The following ROBO2 variants were observed in gnomAD, a reference collection of about 807,000 sequenced individuals.
ROBO2 encodes roundabout guidance receptor 2.
A neutral mutation model predicts 160.8 loss-of-function variants in ROBO2; 53 were observed. The ratio of observed to expected loss-of-function variants is 0.33; its 90% confidence interval spans 0.26 to 0.41. The LOEUF (loss-of-function observed/expected upper bound fraction) is 0.41, where lower values mean the gene tolerates loss of function less well. Ranked by LOEUF, ROBO2 falls within the 10% of genes least tolerant of loss-of-function variation. The pLI is 1.00. For synonymous variants in ROBO2, 664 were observed against 611.7 expected (o/e 1.09, Z -1.26); for missense variants, 1,577 against 1,722.4 (o/e 0.92, Z 1.49).
chr3:76,201,866 T>C (rs1255423517), intron 2 of ROBO2, among the ~76,000 whole-genome samples: 2 of 130,090 alleles, frequency 1.5e-5, no homozygotes, highest in South Asian at 2.4e-4. Flanking sequence ...TTACTTGACA[T>C]GGTGCAATAC....
intron 2 of ROBO2, among the ~76,000 whole-genome samples, chr3:76,898,653 A>G (rs1034142315): frequency 6.6e-6 from 1 of 152,060 alleles, no homozygotes; most frequent in Non-Finnish European, 1.5e-5. Flanking sequence ...CGACCCCCAT[A>G]AATTCATTTT....
intron 2 of ROBO2, among the ~76,000 whole-genome samples, chr3:75,943,708 T>C (rs1948153106): frequency 6.6e-6 from 1 of 152,102 alleles, no homozygotes; most frequent in African/African-American, 2.4e-5. Context: ...TTTGTTTGTT[T>C]TTTGTTTTTT....
intron 2 of ROBO2, among the ~76,000 whole-genome samples, chr3:76,782,049 G>C (rs1380376262): frequency 6.6e-6 from 1 of 150,416 alleles, no homozygotes; most frequent in Admixed American, 6.6e-5. Context: ...GTATGTTATT[G>C]GTCTGTTCAG....
In ROBO2 at chr3:77,622,437, C is replaced by T. The variant is rs969504690; in HGVS notation, c.3760+5C>T. The T allele has an allele frequency of 5.6e-6, 9 of 1,613,670 alleles. No individual in the cohort carries two copies. The highest frequency in any genetic ancestry group is 1.7e-4 in the Middle Eastern group (1 of 6,060). Reference sequence around the variant, plus strand: ...ATCTAGACAGCTCTGTGACAGGTAACGGAACCAATTTAATAGGAAAAACTG... The same window carrying T: ...ATCTAGACAGCTCTGTGACAGGTAATGGAACCAATTTAATAGGAAAAACTG... On this transcript the variant is annotated splice_donor_5th_base_variant and intron_variant, in intron 23 of 25. Coordinates refer to ENST00000461745, the Ensembl canonical transcript of ROBO2.
intron 2 of ROBO2, among the ~76,000 whole-genome samples, chr3:76,791,518 ACTCTCT>A (rs150578311): frequency 2.7e-5 from 4 of 146,366 alleles, no homozygotes; most frequent in African/African-American, 1.0e-4. Context: ...TGTTTCACAC[ACTCTCT>A]CTCTCTCTCT....
At chr3:75,941,294 G>T (rs564876057) in intron 2 of ROBO2, among the ~76,000 whole-genome samples, 1 of 152,140 alleles carries the variant, frequency 6.6e-6, no homozygotes, top group East Asian at 1.9e-4. Flanking sequence ...ACAAAGAAGT[G>T]CTATTTTGGG....
intron 2 of ROBO2, among the ~76,000 whole-genome samples, chr3:77,331,421 A>G (rs1235247842): frequency 6.6e-6 from 1 of 152,154 alleles, no homozygotes; most frequent in African/African-American, 2.4e-5. Flanking sequence ...AGACTGAAAA[A>G]CAATAAAGCT....
chr3:76,748,596 A>G (rs2093930519), intron 2 of ROBO2, among the ~76,000 whole-genome samples: 1 of 151,702 alleles, frequency 6.6e-6, no homozygotes, highest in South Asian at 2.1e-4. Context: ...AATTATTAAT[A>G]TGGAAGTAAT....
At chr3:77,452,640 TCA>T (rs1290512371) in intron 2 of ROBO2, among the ~76,000 whole-genome samples, 2 of 152,152 alleles carry the variant, frequency 1.3e-5, no homozygotes, top group Non-Finnish European at 2.9e-5. Flanking sequence ...TAAACAGTAC[TCA>T]GTTTACAGCA....
At chr3:76,829,760 C>T (rs1279394175) in intron 2 of ROBO2, among the ~76,000 whole-genome samples, 1 of 151,916 alleles carries the variant, frequency 6.6e-6, no homozygotes, top group Non-Finnish European at 1.5e-5. Flanking sequence ...CCTCTGCCTC[C>T]CAGGTTCAAG....
chr3:76,037,143 T>A (rs1430298093), intron 2 of ROBO2, among the ~76,000 whole-genome samples: 1 of 152,028 alleles, frequency 6.6e-6, no homozygotes, highest in Non-Finnish European at 1.5e-5. Flanking sequence ...TCCTATTAAA[T>A]AATTCAGAAT....
At chr3:76,962,068 C>T (rs2079703292) in intron 2 of ROBO2, among the ~76,000 whole-genome samples, 2 of 152,120 alleles carry the variant, frequency 1.3e-5, no homozygotes, top group Non-Finnish European at 2.9e-5. Context: ...GGCACGGTGG[C>T]TCACACCTGT....
At chr3:76,543,797 C>T (rs1376785861) in intron 2 of ROBO2, among the ~76,000 whole-genome samples, 1 of 151,918 alleles carries the variant, frequency 6.6e-6, no homozygotes, top group Non-Finnish European at 1.5e-5. Context: ...TCTTTAAATC[C>T]AGACCATCTT....
At chr3:76,452,389 T>C (rs1374779274) in intron 2 of ROBO2, among the ~76,000 whole-genome samples, 2 of 152,110 alleles carry the variant, frequency 1.3e-5, no homozygotes, top group Non-Finnish European at 2.9e-5. Flanking sequence ...GTGTTCTCAT[T>C]GTTCAATTCC....
At chr3:77,570,617 T>C (rs1293288616) in intron 13 of ROBO2, among the ~76,000 whole-genome samples, 1 of 152,032 alleles carries the variant, frequency 6.6e-6, no homozygotes, top group Non-Finnish European at 1.5e-5. Context: ...GCACATGACA[T>C]AAGTATGCAT....
At chr3:76,321,386 G>A (rs1042667612) in intron 2 of ROBO2, among the ~76,000 whole-genome samples, 3 of 151,934 alleles carry the variant, frequency 2.0e-5, no homozygotes, top group African/African-American at 4.8e-5. Flanking sequence ...GTGGTGGCGC[G>A]CCACTGCTCA....
At chr3:75,962,247 A>G (rs1416040211) in intron 2 of ROBO2, among the ~76,000 whole-genome samples, 1 of 151,784 alleles carries the variant, frequency 6.6e-6, no homozygotes, top group Non-Finnish European at 1.5e-5. Context: ...AGAAACAATG[A>G]TAGTCAGAAC....
At chr3:77,255,560 C>A (rs991686840) in intron 2 of ROBO2, among the ~76,000 whole-genome samples, 3 of 152,192 alleles carry the variant, frequency 2.0e-5, no homozygotes, top group Non-Finnish European at 4.4e-5. Context: ...AGGAACCAGA[C>A]AGATTTGGGG....
chr3:76,058,948 C>T (rs1344958345), intron 2 of ROBO2, among the ~76,000 whole-genome samples: 3 of 151,296 alleles, frequency 2.0e-5, no homozygotes, highest in Non-Finnish European at 4.4e-5. Flanking sequence ...TGGTTTCCAG[C>T]TTCACCCATG....
Sources: gnomAD v4.1 joint callset for allele counts (sites outside exome capture counted in the v4.1 genomes callset) on GRCh38, gnomAD v4.1.1 for gene constraint, MANE v1.5 for transcripts, NCBI Gene and HGNC (gene_info 2026-07-23, HGNC 2026-07-21) for gene names.